DNAH7: variants seen among roughly 807,000 people sequenced by gnomAD.
The protein encoded by DNAH7 is dynein axonemal heavy chain 7.
A neutral mutation model predicts 444.6 loss-of-function variants in DNAH7; 397 were observed. That is an observed-to-expected ratio of 0.89 (90% CI 0.82 to 0.97). The LOEUF is 0.97. DNAH7 is among the 50% of genes least tolerant of loss of function. DNAH7 has a pLI of 0.00. For missense variants in DNAH7, 4,902 were observed against 4,800.8 expected (o/e 1.02, Z -0.62); for synonymous variants, 1,636 against 1,624.4 (o/e 1.01, Z -0.17).
chr2:196,021,922 T>C (rs1695406153), intron 8 of DNAH7, among the ~76,000 whole-genome samples: 1 of 151,952 alleles, frequency 6.6e-6, no homozygotes, highest in Non-Finnish European at 1.5e-5. Context: ...AGGTCAAGAG[T>C]TTGAGACAAG....
rs757068121 is a variant in DNAH7 at position 195,972,321 on chromosome 2, T to C, written c.1979A>G (p.Tyr660Cys). 5.0e-6 allele frequency: 8 copies of C among 1,614,126 alleles called. No individual in the cohort carries two copies. Among genetic ancestry groups the C allele is most frequent in the Admixed American group, 1.7e-5 (1 of 60,010 alleles). Residue 660 changes from tyrosine (Y) to cysteine (C), a missense_variant, in exon 16 of 65, where the codon TAT becomes TGT. Physicochemically the swap from Tyr to Cys is radical, Grantham distance 194. Transcript: ENST00000312428. ...MRLNNSVFQW[Y>C]GRMGEIFEEH... ...TTCAAAAATTTCTCCCATCCTTCCATACCACTGGAAAACACTATTATTTAG... is the reference window on the plus strand; with the variant it reads ...TTCAAAAATTTCTCCCATCCTTCCACACCACTGGAAAACACTATTATTTAG...
intron 19 of DNAH7, among the ~76,000 whole-genome samples, chr2:195,937,191 T>C (rs1252683015): frequency 6.6e-6 from 1 of 152,200 alleles, no homozygotes; most frequent in African/African-American, 2.4e-5. Flanking sequence ...TTATTTTGAA[T>C]TTTATTGTTA....
At chr2:195,745,610 G>A (rs568631429) in intron 63 of DNAH7, among the ~76,000 whole-genome samples, 13 of 152,310 alleles carry the variant, frequency 8.5e-5, no homozygotes, top group Admixed American at 2.6e-4. Flanking sequence ...AGAGACAAAG[G>A]TCGGGTTACC....
intron 30 of DNAH7, chr2:195,892,705 G>C (rs1702083084): frequency 6.6e-6 from 1 of 151,896 alleles, no homozygotes; most frequent in South Asian, 2.1e-4. Flanking sequence ...TCTTTGTGTT[G>C]CATAATTATA....
At chr2:196,026,971 G>A (rs781726650) in intron 6 of DNAH7, 31 bp from the exon 7 acceptor site, 69 of 1,497,410 alleles carry the variant, frequency 4.6e-5, no homozygotes, top group Non-Finnish European at 1.3e-5. Flanking sequence ...AAATGTAGAT[G>A]TTTAACAAAA....
chr2:195,919,705 G>A lies in DNAH7; in HGVS notation c.3935+2383C>T, dbSNP rs140045912. ...AAATACATTTAATTCAATTAAATCA[G>A]TAGGGCTTACTGTGTGCCTACATGT... On this transcript the variant is annotated intron_variant, in intron 24 of 64. Transcript: ENST00000312428. Among the ~76,000 whole-genome samples, 11 of 152,222 alleles carry A rather than the reference G, an allele frequency of 7.2e-5. No homozygotes were observed. In the East Asian group the frequency reaches 1.7e-3, roughly 24 times the overall value.
At chr2:195,885,133 TA>T (rs1394291408) in intron 34 of DNAH7, among the ~76,000 whole-genome samples, 4 of 152,190 alleles carry the variant, frequency 2.6e-5, no homozygotes, top group African/African-American at 7.2e-5. Flanking sequence ...AATAAATTAT[TA>T]AGGTATTAAG....
In DNAH7 at chr2:195,897,679, T is replaced by C. The variant is rs756266653; in HGVS notation, c.4635A>G (p.Leu1545=). The C allele has an allele frequency of 1.3e-6, 2 of 1,588,106 alleles. No individual in the cohort carries two copies. Among genetic ancestry groups the C allele is most frequent in the Non-Finnish European group, 1.7e-6 (2 of 1,162,344 alleles). The change falls in exon 29 of 65, where the codon TTA becomes TTG. Residue 1545 remains leucine, a synonymous_variant. Transcript: ENST00000312428. ...VNLPKFLSHD[L]PLFEGITSDL... ...TGAATGTTCTTACCTCAAAGAGTGG[T>C]AAATCATGGGATAAAAATTTTGGCA... is the stretch of plus-strand genomic sequence containing the variant.
intron 46 of DNAH7, among the ~76,000 whole-genome samples, chr2:195,852,202 G>A (rs1413523347): frequency 1.3e-5 from 2 of 152,058 alleles, no homozygotes; most frequent in African/African-American, 4.8e-5. Flanking sequence ...AGCTTGCAGA[G>A]AGCCGAGATC....
chr2:195,816,181 T>A (rs568139444), intron 51 of DNAH7, among the ~76,000 whole-genome samples: 3 of 152,332 alleles, frequency 2.0e-5, no homozygotes, highest in Non-Finnish European at 4.4e-5. Flanking sequence ...AAAGAAGATC[T>A]ATTACCACAA....
At chr2:195,990,775 T>TTGTG (rs140976714) in intron 12 of DNAH7, among the ~76,000 whole-genome samples, 5,755 of 132,854 alleles carry the variant, frequency 0.043, 275 homozygotes, top group African/African-American at 0.11. Flanking sequence ...TATAGCTTTG[T>TTGTG]TGTGTGTGTG....
At position 195,884,762 on chromosome 2, in the gene DNAH7, T is replaced by G; in HGVS notation, c.5586A>C (p.Thr1862=). 6.2e-7 allele frequency: 1 copy of G among 1,614,034 alleles called. No homozygotes were observed. The highest frequency in any genetic ancestry group is 8.5e-7 in the Non-Finnish European group (1 of 1,180,014). The change falls in exon 35 of 65, where the codon ACA becomes ACC. Residue 1862 remains threonine, a synonymous_variant. Transcript: ENST00000312428. The part of the protein sequence containing the change: ...SLIWSVGASC[T]DDDRLKFNKI... ...TATTAAATTTCAATCGATCATCATC[T>G]GTACAAGAAGCACCAACGGACCAGA...
intron 20 of DNAH7, among the ~76,000 whole-genome samples, chr2:195,936,298 T>C (rs1025909718): frequency 2.6e-5 from 4 of 152,014 alleles, no homozygotes; most frequent in African/African-American, 9.7e-5. Flanking sequence ...CACTTGAACC[T>C]GGGAGGCGGA....
At chr2:195,881,677 T>C in intron 36 of DNAH7, 118 bp downstream of exon 36, 1 of 1,071,278 alleles carries the variant, frequency 9.3e-7, no homozygotes. Flanking sequence ...TCAAAAATTC[T>C]CTGCAGTTCA....
At chr2:196,055,912 A>T (rs1313085357) in intron 2 of DNAH7, among the ~76,000 whole-genome samples, 1 of 152,216 alleles carries the variant, frequency 6.6e-6, no homozygotes, top group Admixed American at 6.5e-5. Context: ...AAGTCTCACC[A>T]TCACTCTAGG....
intron 10 of DNAH7, among the ~76,000 whole-genome samples, chr2:196,007,369 T>G (rs1050035190): frequency 1.3e-5 from 2 of 152,146 alleles, no homozygotes; most frequent in Non-Finnish European, 2.9e-5. Flanking sequence ...GATATCCATA[T>G]GCAAAATAAT....
chr2:195,877,591 T>A (rs1005623330), intron 36 of DNAH7, among the ~76,000 whole-genome samples: 3 of 152,244 alleles, frequency 2.0e-5, no homozygotes, highest in Non-Finnish European at 4.4e-5. Flanking sequence ...TCTGAAAGCA[T>A]ACTTTGGAAT....
At chr2:195,839,673 G>A (rs1299277514) in intron 47 of DNAH7, among the ~76,000 whole-genome samples, 1 of 151,594 alleles carries the variant, frequency 6.6e-6, no homozygotes, top group East Asian at 1.9e-4. Flanking sequence ...AGAAGTGATA[G>A]GTGAGATTAT....
Position 195,942,397 on chromosome 2 carries a change from A to G in DNAH7, c.3079-5605T>C, listed in dbSNP as rs543422233. ...AAGGAGAAGGAGAAGAGGAAGAAGG[A>G]AGAAGATGAAGAGGAGGAAGAGGAA... On this transcript the variant is annotated intron_variant, in intron 19 of 64. Transcript: ENST00000312428. 4.6e-5 allele frequency among the ~76,000 whole-genome samples: 7 copies of G among 150,822 alleles called. No individual in the cohort carries two copies. In the South Asian group the frequency reaches 1.5e-3, roughly 32 times the overall value.
Sources: gnomAD v4.1 joint callset for allele counts (sites outside exome capture counted in the v4.1 genomes callset) on GRCh38, gnomAD v4.1.1 for gene constraint, MANE v1.5 for transcripts, NCBI Gene and HGNC (gene_info 2026-07-23, HGNC 2026-07-21) for gene names.